The following DACH1 variants were observed in gnomAD, a reference collection of about 807,000 sequenced individuals.
DACH1 encodes dachshund homolog 1.
A neutral mutation model predicts 54.2 loss-of-function variants in DACH1; 12 were observed. That is an observed-to-expected ratio of 0.22 (90% confidence interval 0.14 to 0.36). The LOEUF is 0.36. Ranked by LOEUF, DACH1 falls within the 10% of genes least tolerant of loss-of-function variation. The probability of loss-of-function intolerance (pLI) is 1.00; values close to 1 mark genes in which losing one functional copy is unlikely to be tolerated. For missense variants in DACH1, 805 were observed against 929.8 expected, an observed-to-expected ratio of 0.87 and a Z score of 1.75; for synonymous variants, 386 against 366.2, an observed-to-expected ratio of 1.05 and a Z score of -0.62.
intron 6 of DACH1, among the ~76,000 whole-genome samples, chr13:71,501,509 T>C (rs1374080200): frequency 6.6e-6 from 1 of 152,208 alleles, no homozygotes; most frequent in Non-Finnish European, 1.5e-5. Context: ...AGCATATGTT[T>C]GAGATTTGCT....
rs1302383908 is a variant in DACH1 at position 71,475,169 on chromosome 13, G to T, written c.2055C>A (p.Gly685=). ...GTATTGTCCTTTCAGCATCTGTTCT[G>T]CCGCCACTGCGGTCAGCCTCTATCT... ...TPEIEADRSG[G]RTDAERTIQD... The change falls in exon 10 of 11, where the codon GGC becomes GGA. Residue 685 remains glycine (G), a synonymous_variant. Transcript: ENST00000613252. 1 of 1,613,842 alleles carries T rather than the reference G, an allele frequency of 6.2e-7. No individual in the cohort carries two copies. Among genetic ancestry groups the T allele is most frequent in the African/African-American group, 1.3e-5 (1 of 74,982 alleles).
rs145846470 is a variant in DACH1, at chr13:71,740,090, C to T, written c.849-58180G>A. 2.9e-3 allele frequency among the ~76,000 whole-genome samples: 449 copies of T among 152,216 alleles called. 6 individuals carry two copies. The highest frequency in any genetic ancestry group is 0.019 in the Admixed American group (292 of 15,268). On this transcript the variant is annotated intron_variant, in intron 1 of 10. Coordinates refer to ENST00000613252, the MANE Select transcript of DACH1 (RefSeq NM_080759.6). ...AGGTCAAGAACTTTCCAAATAATTG[C>T]ATCCAGACATTGTCTCGTTAACTAG...
At chr13:71,541,060 T>C (rs576649463) in intron 6 of DACH1, among the ~76,000 whole-genome samples, 11 of 152,078 alleles carry the variant, frequency 7.2e-5, no homozygotes, top group African/African-American at 2.6e-4. Context: ...AAATAAATAT[T>C]ATGTAATAAT....
chr13:71,738,167 T>C (rs1429105631), intron 1 of DACH1, among the ~76,000 whole-genome samples: 6 of 152,140 alleles, frequency 3.9e-5, no homozygotes, highest in Non-Finnish European at 8.8e-5. Context: ...TAAATTTTCA[T>C]CAGTAAGAGT....
intron 6 of DACH1, among the ~76,000 whole-genome samples, chr13:71,491,378 A>G (rs1163944325): frequency 6.6e-6 from 1 of 152,124 alleles, no homozygotes; most frequent in Non-Finnish European, 1.5e-5. Flanking sequence ...CTGTATATAT[A>G]TATGTACATG....
At chr13:71,788,835 T>C (rs1207326142) in intron 1 of DACH1, among the ~76,000 whole-genome samples, 1 of 152,128 alleles carries the variant, frequency 6.6e-6, no homozygotes, top group Non-Finnish European at 1.5e-5. Context: ...GCTTCCAAAC[T>C]CTTATAAACC....
chr13:71,452,010 C>T (rs916460541), intron 10 of DACH1, among the ~76,000 whole-genome samples: 1 of 152,156 alleles, frequency 6.6e-6, no homozygotes, highest in Non-Finnish European at 1.5e-5. Context: ...AGAGAAAATG[C>T]TAAAACACAT....
rs112518177 is a variant in DACH1, at chr13:71,752,488, TTCTCTC to T, written c.849-70584_849-70579del. 2.2e-3 allele frequency among the ~76,000 whole-genome samples: 320 copies of T among 147,942 alleles called. 1 individual carries two copies. The highest frequency in any genetic ancestry group is 7.6e-3 in the African/African-American group (306 of 40,452). On this transcript the variant is annotated intron_variant, in intron 1 of 10. Coordinates refer to ENST00000613252, the MANE Select transcript of DACH1 (RefSeq NM_080759.6). ...TCTCTCTCTGTCTGTCTCTCTTCCT[TTCTCTC>T]TCTCTCTCTCTCTCTCTCTGTTGCT...
intron 1 of DACH1, among the ~76,000 whole-genome samples, chr13:71,812,818 A>G (rs771552010): frequency 7.2e-5 from 11 of 152,198 alleles, no homozygotes; most frequent in Non-Finnish European, 1.3e-4. Context: ...GACCAAATTT[A>G]TATTTCAAAT....
intron 4 of DACH1, among the ~76,000 whole-genome samples, chr13:71,568,206 A>T (rs1004427709): frequency 1.1e-4 from 17 of 152,084 alleles, no homozygotes; most frequent in African/African-American, 4.1e-4. Flanking sequence ...GATAAATAAA[A>T]ATTCCTAACA....
At chr13:71,558,963 A>G (rs1884423574) in intron 5 of DACH1, among the ~76,000 whole-genome samples, 1 of 152,076 alleles carries the variant, frequency 6.6e-6, no homozygotes, top group Non-Finnish European at 1.5e-5. Flanking sequence ...AACTTTGTAC[A>G]ATTAGATGAA....
intron 1 of DACH1, among the ~76,000 whole-genome samples, chr13:71,698,018 A>T (rs892378936): frequency 6.6e-6 from 1 of 152,190 alleles, no homozygotes; most frequent in African/African-American, 2.4e-5. Flanking sequence ...CATACAAATT[A>T]AAAACATTTT....
intron 1 of DACH1, among the ~76,000 whole-genome samples, chr13:71,750,111 G>T (rs2137975654): frequency 6.6e-6 from 1 of 152,204 alleles, no homozygotes; most frequent in African/African-American, 2.4e-5. Context: ...TTTCTCTCAT[G>T]CTCTTTCTCC....
At chr13:71,761,817 T>C (rs1885412740) in intron 1 of DACH1, among the ~76,000 whole-genome samples, 1 of 152,106 alleles carries the variant, frequency 6.6e-6, no homozygotes, top group Non-Finnish European at 1.5e-5. Flanking sequence ...GAGTAGGGGA[T>C]CCTTATATTA....
At chr13:71,486,071 A>G (rs1457934423) in intron 7 of DACH1, among the ~76,000 whole-genome samples, 2 of 151,950 alleles carry the variant, frequency 1.3e-5, no homozygotes, top group African/African-American at 4.8e-5. Flanking sequence ...ACACAAAGAA[A>G]TAACTGACAA....
chr13:71,771,769 TAC>T (rs375309372), intron 1 of DACH1, among the ~76,000 whole-genome samples: 6 of 149,626 alleles, frequency 4.0e-5, no homozygotes, highest in Admixed American at 6.7e-5. Context: ...TCCATATCAT[TAC>T]ACACACACAC....
rs947848388 is a variant in DACH1, at chr13:71,439,062, A to AT, written c.*1592dup. On this transcript the variant is annotated 3_prime_UTR_variant, in exon 11 of 11. Coordinates refer to ENST00000613252, the MANE Select transcript of DACH1 (RefSeq NM_080759.6). ...TAATGCCAGAGTATCTATAATGTTA[A>AT]TTTTTTCTTAATCAAGTAATTAATA... 9 of 152,504 alleles carry AT rather than the reference A, an allele frequency of 5.9e-5. No homozygotes were observed. Among genetic ancestry groups the AT allele is most frequent in the African/African-American group, 2.2e-4 (9 of 41,518 alleles). The allele number at this position is 152,504 out of a possible 1,614,324, so 9.4% of individuals were successfully genotyped here. A position where few individuals can be genotyped will look rare whatever the true frequency, so the allele number is the denominator to read the frequency against.
chr13:71,619,301 A>G (rs1234291987), intron 3 of DACH1, among the ~76,000 whole-genome samples: 1 of 151,940 alleles, frequency 6.6e-6, no homozygotes, highest in African/African-American at 2.4e-5. Flanking sequence ...TGTCCTTTCA[A>G]GTTGTGTTTA....
chr13:71,477,104 A>ACATTT (rs1877615922), intron 8 of DACH1, among the ~76,000 whole-genome samples: 1 of 43,254 alleles, frequency 2.3e-5, no homozygotes, highest in African/African-American at 8.6e-5. Context: ...ATATATATAT[A>ACATTT]TTTTTTTTTT....
Sources: allele counts gnomAD v4.1 joint callset (sites outside exome capture counted in the v4.1 genomes callset), GRCh38; gene constraint gnomAD v4.1.1; transcripts MANE v1.5; gene names NCBI Gene and HGNC (gene_info 2026-07-23, HGNC 2026-07-21).